Variants in MAPK8IP3 observed in about 807,000 individuals in gnomAD.
MAPK8IP3 encodes C-Jun-amino-terminal kinase-interacting protein 3.
In MAPK8IP3, 49 loss-of-function variants were observed where a neutral mutation model predicts 157.8. The observed-to-expected ratio is 0.31, with a 90% CI of 0.25 to 0.39. The LOEUF is 0.39. Ranked by LOEUF, MAPK8IP3 falls within the 10% of genes least tolerant of loss-of-function variation. MAPK8IP3 has a pLI of 1.00. For missense variants in MAPK8IP3, 1,478 were observed against 1,889.4 expected, an observed-to-expected ratio of 0.78 and a Z score of 4.04; for synonymous variants, 897 against 777.7, an observed-to-expected ratio of 1.15 and a Z score of -2.55.
rs2040866923 is a variant in MAPK8IP3 at position 1,744,756 on chromosome 16, C to T, written c.747+1280C>T. On this transcript the variant is annotated intron_variant, in intron 5 of 31. Transcript: ENST00000610761. The stretch of plus-strand genomic sequence containing the variant: ...CGCTCTTCTTCTCATGATGTCTTTC[C>T]TTTCACCTCCTGCGTTGTCTGACAT... 7.1e-6 allele frequency: 7 copies of T among 985,506 alleles called. No homozygotes were observed. The South Asian group carries it at 2.8e-4, about 40-fold the overall frequency. 61.0% of individuals were successfully genotyped at this position (985,506 alleles called of 1,614,324 possible). A position where few individuals can be genotyped will look rare whatever the true frequency, so the allele number is the denominator to read the frequency against.
chr16:1,765,901 G>T, intron 20 of MAPK8IP3, 59 bp from the exon 21 acceptor site: 1 of 1,483,686 alleles, frequency 6.7e-7, no homozygotes, highest in Non-Finnish European at 9.2e-7. Flanking sequence ...TAAGTGCTGG[G>T]CACGCCCTTG....
chr16:1,743,755 A>G lies in MAPK8IP3; in HGVS notation c.747+279A>G, dbSNP rs1347496143. Reference sequence around the variant, plus strand: ...CCCTTGGATAGACCGCTCTGTAGCCAGGGGTGTACAGTGCCTGTCAGGGTT... The same window carrying G: ...CCCTTGGATAGACCGCTCTGTAGCCGGGGGTGTACAGTGCCTGTCAGGGTT... On this transcript the variant is annotated intron_variant, in intron 5 of 31. Transcript: ENST00000610761. This position sits in a 1 kb window ranked among gnomAD's most constrained non-coding sequence, Gnocchi z 5.6. 7.5e-7 allele frequency: 1 copy of G among 1,329,042 alleles called. No homozygotes were observed. Among genetic ancestry groups the G allele is most frequent in the Non-Finnish European group, 9.6e-7 (1 of 1,045,302 alleles). 82.3% of individuals were successfully genotyped at this position (1,329,042 alleles called of 1,614,324 possible). A position where few individuals can be genotyped will look rare whatever the true frequency, so the allele number is the denominator to read the frequency against.
At position 1,764,179 on chromosome 16, in the gene MAPK8IP3, G is replaced by A. The variant is rs1358414395; in HGVS notation, c.2090G>A (p.Arg697His). 4 of 1,611,610 alleles carry A rather than the reference G, an allele frequency of 2.5e-6. No individual in the cohort carries two copies. The highest frequency in any genetic ancestry group is 3.4e-6 in the Non-Finnish European group (4 of 1,179,572). Residue 697 changes from arginine (R) to histidine (H), a missense_variant, in exon 18 of 32, where the codon CGC (arginine) becomes CAC (histidine). Arg to His is a conservative substitution (Grantham distance 29). Coordinates refer to ENST00000610761, the MANE Select transcript of MAPK8IP3 (RefSeq NM_001318852.2). ...MKNVPVPVYC[R>H]PLVEKDPTMK... ...AACGTGCCGGTGCCGGTGTACTGCCGCCCTCTGGTGGAGAAGGACCCCACC... is the reference window on the plus strand; with the variant it reads ...AACGTGCCGGTGCCGGTGTACTGCCACCCTCTGGTGGAGAAGGACCCCACC...
intron 3 of MAPK8IP3, 52 bp downstream of exon 3, chr16:1,729,260 CCTGACGCCTGCGA>C (rs1567152908): frequency 6.3e-7 from 1 of 1,579,372 alleles, no homozygotes; most frequent in African/African-American, 1.3e-5. Context: ...AGGGCCGCGG[CCTGACGCCTGCGA>C]CTCTTGCGGA....
At chr16:1,744,906 T>G in intron 5 of MAPK8IP3, 2 of 969,152 alleles carry the variant, frequency 2.1e-6, no homozygotes, top group South Asian at 9.5e-5. Flanking sequence ...GTTTTGAAGT[T>G]TTTCTAATTT....
At chr16:1,734,760 C>A (rs902437843) in intron 4 of MAPK8IP3, among the ~76,000 whole-genome samples, 2 of 152,270 alleles carry the variant, frequency 1.3e-5, no homozygotes, top group African/African-American at 4.8e-5. Context: ...TTGAGTCAGT[C>A]CCATCTGCTC....
chr16:1,729,555 C>G lies in MAPK8IP3; in HGVS notation c.579C>G (p.Thr193=). Residue 193 remains threonine, a synonymous_variant, in exon 4 of 32, where the codon ACC becomes ACG. Transcript: ENST00000610761. ...KMQQVGGNSQ[T]ESSLPGRSRK... ...AGCAGGTCGGAGGAAACAGCCAGACCGAGAGCAGCCTGCCGGGGCGGAGGT... is the reference window on the plus strand; with the variant it reads ...AGCAGGTCGGAGGAAACAGCCAGACGGAGAGCAGCCTGCCGGGGCGGAGGT... The G allele has an allele frequency of 6.2e-7, 1 of 1,609,252 alleles. No homozygotes were observed. The highest frequency in any genetic ancestry group is 8.5e-7 in the Non-Finnish European group (1 of 1,178,142).
In MAPK8IP3 at chr16:1,762,691, C is replaced by A; in HGVS notation, c.1687C>A (p.Pro563Thr). Reference sequence around the variant, plus strand: ...CCCCTGCAGAGCGTCCCGAGAGCACCCATCCGTCCAGGAGAAGAAGAAGTC... The same window carrying A: ...CCCCTGCAGAGCGTCCCGAGAGCACACATCCGTCCAGGAGAAGAAGAAGTC... ...TEMIRASREH[P>T]SVQEKKKSTI... The change falls in exon 15 of 32, where the codon CCA becomes ACA. Residue 563 changes from proline to threonine, a missense_variant. Physicochemically the swap from Pro to Thr is conservative, Grantham distance 38 (BLOSUM62 -1). Transcript: ENST00000610761. The A allele has an allele frequency of 6.4e-7, 1 of 1,562,410 alleles. No homozygotes were observed. The highest frequency in any genetic ancestry group is 8.7e-7 in the Non-Finnish European group (1 of 1,152,084).
chr16:1,759,378 G>A (rs1286947097), intron 10 of MAPK8IP3, among the ~76,000 whole-genome samples: 3 of 152,208 alleles, frequency 2.0e-5, no homozygotes, highest in Admixed American at 1.3e-4. Context: ...CACAGTGGGG[G>A]AGTGTGTGGG....
chr16:1,743,670 G>C lies in MAPK8IP3; in HGVS notation c.747+194G>C. Reference sequence around the variant, plus strand: ...CAGGCTGCCCAGCAGGCCCTGTGTGGCTGTGGCTGTTCCACGCGGCCTCGT... The same window carrying C: ...CAGGCTGCCCAGCAGGCCCTGTGTGCCTGTGGCTGTTCCACGCGGCCTCGT... On this transcript the variant is annotated intron_variant, in intron 5 of 31. Coordinates refer to ENST00000610761, the MANE Select transcript of MAPK8IP3 (RefSeq NM_001318852.2). This position sits in a 1 kb window ranked among gnomAD's most constrained non-coding sequence, Gnocchi z 5.6. The C allele has an allele frequency of 2.8e-6, 4 of 1,418,488 alleles. No individual in the cohort carries two copies. Among genetic ancestry groups the C allele is most frequent in the Non-Finnish European group, 3.7e-6 (4 of 1,095,090 alleles). 87.9% of individuals were successfully genotyped at this position (1,418,488 alleles called of 1,614,324 possible).
chr16:1,748,686 C>T lies in MAPK8IP3; in HGVS notation c.1182C>T (p.Val394=). Residue 394 remains valine (V), a synonymous_variant, in exon 8 of 32, where the codon GTC becomes GTT. Coordinates refer to ENST00000610761, the MANE Select transcript of MAPK8IP3 (RefSeq NM_001318852.2). ...YHELSTAGSE[V]IGDVDEGADL... Reference sequence around the variant, plus strand: ...AGCTGTCGACGGCAGGGTCTGAGGTCATCGGGGATGTGGACGAAGGGGCCG... The same window carrying T: ...AGCTGTCGACGGCAGGGTCTGAGGTTATCGGGGATGTGGACGAAGGGGCCG... The T allele has an allele frequency of 3.1e-6, 5 of 1,614,192 alleles. No homozygotes were observed. The highest frequency in any genetic ancestry group is 4.2e-6 in the Non-Finnish European group (5 of 1,180,044).
chr16:1,765,318 C>T (rs1042028406), intron 20 of MAPK8IP3, 140 bp downstream of exon 20: 5 of 1,075,448 alleles, frequency 4.6e-6, no homozygotes, highest in Non-Finnish European at 6.5e-6. Context: ...GTGGGAGGGG[C>T]AGCACCCAGT....
At position 1,766,217 on chromosome 16, in the gene MAPK8IP3, CAG is replaced by C; in HGVS notation, c.2630-2_2630-1del. The C allele has an allele frequency of 6.2e-7, 1 of 1,608,968 alleles. No homozygotes were observed. Among genetic ancestry groups the C allele is most frequent in the Non-Finnish European group, 8.5e-7 (1 of 1,177,768 alleles). ...CAGCCCAAGCTCACCTCTCCTAACACAGGGGAGGTGGCCACCATCGCCAACGG... is the reference window on the plus strand; with the variant it reads ...CAGCCCAAGCTCACCTCTCCTAACACGGGAGGTGGCCACCATCGCCAACGG... On this transcript the variant is annotated splice_acceptor_variant, in intron 21 of 31. Transcript: ENST00000610761. LOFTEE classifies it high-confidence loss of function.
intron 8 of MAPK8IP3, chr16:1,752,041 T>A (rs910568978): frequency 6.6e-6 from 1 of 152,416 alleles, no homozygotes; most frequent in Non-Finnish European, 1.5e-5. Context: ...ATGACCAGGA[T>A]TGGCAGCTTC....
chr16:1,734,359 G>A (rs981745601), intron 4 of MAPK8IP3, among the ~76,000 whole-genome samples: 1 of 152,206 alleles, frequency 6.6e-6, no homozygotes, highest in Non-Finnish European at 1.5e-5. Flanking sequence ...CATCACCAGC[G>A]CACGGAATCG....
intron 2 of MAPK8IP3, among the ~76,000 whole-genome samples, chr16:1,728,496 C>T (rs919317081): frequency 4.6e-5 from 7 of 152,234 alleles, no homozygotes; most frequent in Admixed American, 6.5e-5. Flanking sequence ...GCACAGAGAG[C>T]GCCTGTGGGT....
Position 1,761,214 on chromosome 16 carries a change from C to T in MAPK8IP3, c.1458-10C>T, listed in dbSNP as rs758298680. Reference sequence around the variant, plus strand: ...CCCTCACCCTCCCTGCCTCCTTCCCCTTCCCACAGAGTGAAGTCCGAGGCC... The same window carrying T: ...CCCTCACCCTCCCTGCCTCCTTCCCTTTCCCACAGAGTGAAGTCCGAGGCC... On this transcript the variant is annotated splice_polypyrimidine_tract_variant and intron_variant, in intron 12 of 31. Transcript: ENST00000610761. The T allele has an allele frequency of 8.1e-6, 13 of 1,612,948 alleles. No individual in the cohort carries two copies. Among genetic ancestry groups the T allele is most frequent in the Non-Finnish European group, 1.1e-5 (13 of 1,179,532 alleles).
At chr16:1,768,010 C>A (rs900821028) in intron 28 of MAPK8IP3, 59 bp from the exon 29 acceptor site, 3 of 1,609,958 alleles carry the variant, frequency 1.9e-6, no homozygotes, top group African/African-American at 2.7e-5. Context: ...TTGGAGGGTG[C>A]CTTGCTGCCC....
chr16:1,712,483 CCT>C (rs577771175), intron 1 of MAPK8IP3, among the ~76,000 whole-genome samples: 118 of 152,284 alleles, frequency 7.7e-4, no homozygotes, highest in Middle Eastern at 6.8e-3. Context: ...CCCAGAGAAC[CCT>C]CACAAAGCAT....
Sources: allele counts gnomAD v4.1 joint callset (sites outside exome capture counted in the v4.1 genomes callset), GRCh38; gene constraint gnomAD v4.1.1; non-coding constraint Gnocchi (gnomAD v3.1); transcripts MANE v1.5; gene names NCBI Gene and HGNC (gene_info 2026-07-23, HGNC 2026-07-21).